Variants in SLC16A14 observed in about 807,000 individuals in gnomAD.
SLC16A14 encodes the protein solute carrier family 16 member 14.
SLC16A14 carries 14 observed loss-of-function variants against 35.8 expected under a neutral mutation model. That is an observed-to-expected ratio of 0.39 (90% CI 0.26 to 0.61). The LOEUF is 0.61. Ranked by LOEUF, SLC16A14 falls within the 20% of genes least tolerant of loss-of-function variation. The pLI, the probability that SLC16A14 is intolerant of heterozygous loss-of-function variation, is 0.51. For synonymous variants in SLC16A14, 248 were observed against 258.9 expected, an observed-to-expected ratio of 0.96 and a Z score of 0.40; for missense variants, 533 against 655.0, an observed-to-expected ratio of 0.81 and a Z score of 2.03.
intron 2 of SLC16A14, among the ~76,000 whole-genome samples, chr2:230,052,153 T>G (rs2077666072): frequency 6.6e-6 from 1 of 152,148 alleles, no homozygotes; most frequent in African/African-American, 2.4e-5. Flanking sequence ...GCCAGGATGG[T>G]CTCGATCTCC....
intron 4 of SLC16A14, among the ~76,000 whole-genome samples, chr2:230,044,940 C>T (rs1236348388): frequency 3.3e-5 from 5 of 151,992 alleles, no homozygotes; most frequent in East Asian, 1.9e-4. Context: ...CAATAGGAAG[C>T]GAATGTAGGG....
chr2:230,055,206 T>G (rs1228957448), intron 2 of SLC16A14, among the ~76,000 whole-genome samples: 1 of 152,030 alleles, frequency 6.6e-6, no homozygotes, highest in East Asian at 1.9e-4. Context: ...TGGCCTCCAG[T>G]GTTGTAGGAT....
chr2:230,035,445 A>C lies in SLC16A14; in HGVS notation c.*1935T>G, dbSNP rs1306550563. On this transcript the variant is annotated 3_prime_UTR_variant, in exon 5 of 5. Transcript: ENST00000295190. ...CTTGTTAGTTTGATGTTGTCGGAAA[A>C]TGAAAGTAATGAAGCAATGTAGTTT... The C allele has an allele frequency of 2.6e-5, 4 of 152,666 alleles. No individual in the cohort carries two copies. Among genetic ancestry groups the C allele is most frequent in the Admixed American group, 2.6e-4 (4 of 15,284 alleles). The allele number at this position is 152,666 out of a possible 1,614,324, so 9.5% of individuals were successfully genotyped here. A position where few individuals can be genotyped will look rare whatever the true frequency, so the allele number is the denominator to read the frequency against.
Position 230,037,438 on chromosome 2 carries a change from G to A in SLC16A14, c.1475C>T (p.Pro492Leu), listed in dbSNP as rs746614915. The A allele has an allele frequency of 1.6e-5, 26 of 1,612,506 alleles. No homozygotes were observed. The highest frequency in any genetic ancestry group is 9.4e-5 in the African/African-American group (7 of 74,826). The change falls in exon 5 of 5, where the codon CCG becomes CTG. Residue 492 changes from proline (P) to leucine (L), a missense_variant. Physicochemically the swap from Pro to Leu is moderately conservative, Grantham distance 98. Coordinates refer to ENST00000295190, the MANE Select transcript of SLC16A14 (RefSeq NM_152527.5). ...MIGILFLLIQPCIRIIEQSRR... is the reference protein window; with the variant it reads ...MIGILFLLIQLCIRIIEQSRR... Reference sequence around the variant, plus strand: ...GGATTGTTCTATAATTCGAATGCACGGCTGAATAAGTAAAAAGAGTATTCC... The same window carrying A: ...GGATTGTTCTATAATTCGAATGCACAGCTGAATAAGTAAAAAGAGTATTCC...
intron 1 of SLC16A14, among the ~76,000 whole-genome samples, chr2:230,059,875 G>A (rs2077737426): frequency 1.3e-5 from 2 of 152,166 alleles, no homozygotes; most frequent in Admixed American, 1.3e-4. Flanking sequence ...TTTGTTCAGT[G>A]CAGCCAGAGT....
In SLC16A14 at chr2:230,037,423, A is replaced by G. The variant is rs1196461655; in HGVS notation, c.1490T>C (p.Ile497Thr). The G allele has an allele frequency of 3.1e-6, 5 of 1,612,980 alleles. No individual in the cohort carries two copies. Among genetic ancestry groups the G allele is most frequent in the Middle Eastern group, 3.3e-4 (2 of 6,054 alleles). ...CATGTATTTTCTTCTGGATTGTTCT[A>G]TAATTCGAATGCACGGCTGAATAAG... ...FLLIQPCIRI[I>T]EQSRRKYMDG... The change falls in exon 5 of 5, where the codon ATA (isoleucine) becomes ACA (threonine). Residue 497 changes from isoleucine to threonine, a missense_variant. Transcript: ENST00000295190.
chr2:230,052,224 C>T (rs1410384177), intron 2 of SLC16A14, among the ~76,000 whole-genome samples: 4 of 152,040 alleles, frequency 2.6e-5, no homozygotes, highest in South Asian at 2.1e-4. Flanking sequence ...CGTGAGCCAC[C>T]GCGCCCGGCC....
In SLC16A14 at chr2:230,046,355, C is replaced by A. The variant is rs1259006807; in HGVS notation, c.771G>T (p.Glu257Asp). The change falls in exon 4 of 5, where the codon GAG becomes GAT. Residue 257 changes from glutamate to aspartate, a missense_variant. By Grantham distance (45) the Glu-to-Asp change is conservative. Transcript: ENST00000295190. This position sits in a 1 kb window ranked among gnomAD's most constrained non-coding sequence, Gnocchi z 5.0. ...EEKDGGLGNE[E>D]TLCDLQAQEC... ...CCTGGGCTTGCAGGTCGCAGAGGGT[C>A]TCCTCGTTCCCGAGCCCACCATCCT... is the stretch of plus-strand genomic sequence containing the variant. 2 of 1,614,196 alleles carry A rather than the reference C, an allele frequency of 1.2e-6. No individual in the cohort carries two copies. The highest frequency in any genetic ancestry group is 2.2e-5 in the East Asian group (1 of 44,876).
rs1367162032 is a variant in SLC16A14, at chr2:230,035,035, C to G, written c.*2345G>C. 6.6e-6 allele frequency: 1 copy of G among 152,172 alleles called. No individual in the cohort carries two copies. Among genetic ancestry groups the G allele is most frequent in the Non-Finnish European group, 1.5e-5 (1 of 68,032 alleles). The allele number at this position is 152,172 out of a possible 1,614,324, so 9.4% of individuals were successfully genotyped here. A position where few individuals can be genotyped will look rare whatever the true frequency, so the allele number is the denominator to read the frequency against. On this transcript the variant is annotated 3_prime_UTR_variant, in exon 5 of 5. Coordinates refer to ENST00000295190, the MANE Select transcript of SLC16A14 (RefSeq NM_152527.5). ...TATGTAAATAAAAATTACTTGGATA[C>G]ATGAGGGGAAAACGATAAAGCACAT...
chr2:230,055,784 T>C (rs992922934), intron 2 of SLC16A14, among the ~76,000 whole-genome samples: 1 of 152,196 alleles, frequency 6.6e-6, no homozygotes, highest in African/African-American at 2.4e-5. Context: ...CTTCTGAGTC[T>C]TTTTTTGATG....
rs1037501980 is a variant in SLC16A14, at chr2:230,038,431, CT to C, written c.1382-901del. On this transcript the variant is annotated intron_variant, in intron 4 of 4. Transcript: ENST00000295190. This position sits in a 1 kb window ranked among gnomAD's most constrained non-coding sequence, Gnocchi z 4.4. ...TCTCAGAATCTATGAAATATGTTTC[CT>C]ATATTTCAGTGATTAATTCTAAGAA... 7.2e-5 allele frequency among the ~76,000 whole-genome samples: 11 copies of C among 152,108 alleles called. No individual in the cohort carries two copies. Among genetic ancestry groups the C allele is most frequent in the African/African-American group, 2.7e-4 (11 of 41,434 alleles).
chr2:230,057,028 G>C (rs1041879989), intron 2 of SLC16A14, among the ~76,000 whole-genome samples: 4 of 151,914 alleles, frequency 2.6e-5, no homozygotes, highest in Non-Finnish European at 5.9e-5. Context: ...ATGCATACTC[G>C]CACAAAACCG....
At chr2:230,061,520 C>T (rs980043238) in intron 1 of SLC16A14, among the ~76,000 whole-genome samples, 1 of 152,178 alleles carries the variant, frequency 6.6e-6, no homozygotes, top group Non-Finnish European at 1.5e-5. Flanking sequence ...GTGTTGCCGC[C>T]TTTCTCAGAA....
chr2:230,068,006 G>T lies in SLC16A14; in HGVS notation c.-15+549C>A. The T allele has an allele frequency of 6.6e-6, 1 of 152,058 alleles. No individual in the cohort carries two copies. 9.4% of individuals were successfully genotyped at this position (152,058 alleles called of 1,614,324 possible). A position where few individuals can be genotyped will look rare whatever the true frequency, so the allele number is the denominator to read the frequency against. On this transcript the variant is annotated intron_variant, in intron 1 of 4. Coordinates refer to ENST00000295190, the MANE Select transcript of SLC16A14 (RefSeq NM_152527.5). This position sits in a 1 kb window ranked among gnomAD's most constrained non-coding sequence, Gnocchi z 5.1. ...CCACTTCGGGCACCCCGCATCCCTC[G>T]GCGCGTTCGGAAGCCAGCAGCCCAC...
chr2:230,042,646 A>T (rs73998720), intron 4 of SLC16A14, among the ~76,000 whole-genome samples: 1 of 152,092 alleles, frequency 6.6e-6, no homozygotes, highest in African/African-American at 2.4e-5. Context: ...CATACCTCCA[A>T]TGGATATTTA....
chr2:230,046,369 G>T lies in SLC16A14; in HGVS notation c.757C>A (p.Leu253Ile), dbSNP rs1343037364. ...QGRTEEKDGG[L>I]GNEETLCDLQ... ...TCGCAGAGGGTCTCCTCGTTCCCGAGCCCACCATCCTTCTCTTCTGTTCTT... is the reference window on the plus strand; with the variant it reads ...TCGCAGAGGGTCTCCTCGTTCCCGATCCCACCATCCTTCTCTTCTGTTCTT... The change falls in exon 4 of 5, where the codon CTC becomes ATC. Residue 253 changes from leucine to isoleucine, a missense_variant. Leu to Ile is a conservative substitution (Grantham distance 5, BLOSUM62 2). Coordinates refer to ENST00000295190, the MANE Select transcript of SLC16A14 (RefSeq NM_152527.5). The surrounding 1 kb of genome is among the most constrained non-coding windows in gnomAD (Gnocchi z 5.0). 1 of 1,614,064 alleles carries T rather than the reference G, an allele frequency of 6.2e-7. No individual in the cohort carries two copies. The highest frequency in any genetic ancestry group is 8.5e-7 in the Non-Finnish European group (1 of 1,180,046).
intron 2 of SLC16A14, among the ~76,000 whole-genome samples, chr2:230,056,570 A>G (rs1023479225): frequency 2.6e-5 from 4 of 151,952 alleles, no homozygotes; most frequent in Admixed American, 6.6e-5. Flanking sequence ...TATTGTTTGT[A>G]TTATCAAAAA....
At position 230,036,471 on chromosome 2, in the gene SLC16A14, A is replaced by G. The variant is rs544729687; in HGVS notation, c.*909T>C. Reference sequence around the variant, plus strand: ...TTTGGATTAGCAACATTCCTTGGAGATGATTTAACTATTAACTTTATTTGT... The same window carrying G: ...TTTGGATTAGCAACATTCCTTGGAGGTGATTTAACTATTAACTTTATTTGT... On this transcript the variant is annotated 3_prime_UTR_variant, in exon 5 of 5. Transcript: ENST00000295190. 8 of 152,328 alleles carry G rather than the reference A, an allele frequency of 5.3e-5. No homozygotes were observed. The highest frequency in any genetic ancestry group is 1.9e-4 in the African/African-American group (8 of 41,578). 9.4% of individuals were successfully genotyped at this position (152,328 alleles called of 1,614,324 possible). A position where few individuals can be genotyped will look rare whatever the true frequency, so the allele number is the denominator to read the frequency against.
At position 230,046,359 on chromosome 2, in the gene SLC16A14, T is replaced by C. The variant is rs2077607176; in HGVS notation, c.767A>G (p.Glu256Gly). ...TEEKDGGLGN[E>G]ETLCDLQAQE... Reference sequence around the variant, plus strand: ...GGCTTGCAGGTCGCAGAGGGTCTCCTCGTTCCCGAGCCCACCATCCTTCTC... The same window carrying C: ...GGCTTGCAGGTCGCAGAGGGTCTCCCCGTTCCCGAGCCCACCATCCTTCTC... The change falls in exon 4 of 5, where the codon GAG becomes GGG. Residue 256 changes from glutamate (E) to glycine (G), a missense_variant. By Grantham distance (98) the Glu-to-Gly change is moderately conservative. Coordinates refer to ENST00000295190, the MANE Select transcript of SLC16A14 (RefSeq NM_152527.5). This position sits in a 1 kb window ranked among gnomAD's most constrained non-coding sequence, Gnocchi z 5.0. 6.2e-7 allele frequency: 1 copy of C among 1,614,200 alleles called. No homozygotes were observed. Among genetic ancestry groups the C allele is most frequent in the Non-Finnish European group, 8.5e-7 (1 of 1,180,040 alleles).
Sources: allele counts gnomAD v4.1 joint callset (sites outside exome capture counted in the v4.1 genomes callset), GRCh38; gene constraint gnomAD v4.1.1; non-coding constraint Gnocchi (gnomAD v3.1); transcripts MANE v1.5; gene names NCBI Gene and HGNC (gene_info 2026-07-23, HGNC 2026-07-21).